Variants in HELLS observed in about 807,000 individuals in gnomAD.
HELLS encodes the protein lymphoid-specific helicase.
HELLS carries 32 observed loss-of-function variants against 120.0 expected under a neutral mutation model. The ratio of observed to expected loss-of-function variants is 0.27; its 90% CI spans 0.20 to 0.36. HELLS has a LOEUF of 0.36. Ranked by LOEUF, HELLS falls within the 10% of genes least tolerant of loss-of-function variation. The pLI is 1.00. For missense variants in HELLS, 650 were observed against 993.4 expected, an observed-to-expected ratio of 0.65 and a Z score of 4.65; for synonymous variants, 341 against 323.4, an observed-to-expected ratio of 1.05 and a Z score of -0.58.
At chr10:94,591,053 C>T (rs537357728) in intron 15 of HELLS, among the ~76,000 whole-genome samples, 2 of 152,256 alleles carry the variant, frequency 1.3e-5, no homozygotes, top group East Asian at 3.9e-4. Context: ...AGGCTGGTCT[C>T]AAACTTCCTG....
intron 7 of HELLS, among the ~76,000 whole-genome samples, chr10:94,573,393 A>G (rs1195584727): frequency 6.6e-6 from 1 of 152,178 alleles, no homozygotes; most frequent in Non-Finnish European, 1.5e-5. Flanking sequence ...ATACAATTCT[A>G]ATGATCTTTT....
At chr10:94,576,867 C>A in intron 10 of HELLS, 62 bp downstream of exon 10, 2 of 1,398,620 alleles carry the variant, frequency 1.4e-6, no homozygotes, top group Non-Finnish European at 2.0e-6. Context: ...TCATTTATAT[C>A]ACTTTCTCAC....
rs1391729816 is a variant in HELLS at position 94,593,559 on chromosome 10, G to A, written c.2032G>A (p.Gly678Ser). ...FIFLVSTRAG[G>S]LGINLTAADT... ...CTTCTTAGTGAGTACACGAGCTGGT[G>A]GCCTGGGCATTAATCTGACTGCAGC... The change falls in exon 18 of 22, where the codon GGC becomes AGC. Residue 678 changes from glycine (G) to serine (S), a missense_variant. Coordinates refer to ENST00000348459, the MANE Select transcript of HELLS (RefSeq NM_018063.5). The A allele has an allele frequency of 6.2e-7, 1 of 1,613,686 alleles. No individual in the cohort carries two copies. Among genetic ancestry groups the A allele is most frequent in the African/African-American group, 1.3e-5 (1 of 75,002 alleles).
chr10:94,607,331 A>C (rs1330699961), intron 8 of HELLS, among the ~76,000 whole-genome samples: 1 of 152,190 alleles, frequency 6.6e-6, no homozygotes, highest in Non-Finnish European at 1.5e-5. Context: ...TTCAGTTCCC[A>C]AAATCTTGCT....
chr10:94,596,343 T>A (rs903935689), intron 19 of HELLS, among the ~76,000 whole-genome samples: 4 of 152,236 alleles, frequency 2.6e-5, no homozygotes, highest in Non-Finnish European at 4.4e-5. Context: ...GTTCACCCTT[T>A]CCAGTAATTC....
chr10:94,567,423 C>T (rs149330015), intron 6 of HELLS, among the ~76,000 whole-genome samples: 4,268 of 152,020 alleles, frequency 0.028, 99 homozygotes, highest in South Asian at 0.044. Flanking sequence ...CTCAGCCTTC[C>T]GAGTAGCTAG....
In HELLS at chr10:94,601,701, G is replaced by A. The variant is rs1002380034; in HGVS notation, c.*79G>A. The A allele has an allele frequency of 1.4e-6, 1 of 699,246 alleles. No homozygotes were observed. Among genetic ancestry groups the A allele is most frequent in the African/African-American group, 1.8e-5 (1 of 55,224 alleles). 43.3% of individuals were successfully genotyped at this position (699,246 alleles called of 1,614,324 possible). A position where few individuals can be genotyped will look rare whatever the true frequency, so the allele number is the denominator to read the frequency against. On this transcript the variant is annotated 3_prime_UTR_variant, in exon 22 of 22. Transcript: ENST00000348459. ...CTGTATTGGGTTTGAAATACTGATT[G>A]TCCACTTCACCTTTTTTATTATATC...
intron 10 of HELLS, among the ~76,000 whole-genome samples, chr10:94,579,985 C>G (rs184655086): frequency 6.6e-6 from 1 of 151,374 alleles, no homozygotes; most frequent in South Asian, 2.1e-4. Flanking sequence ...ACTCTGGTAA[C>G]GGAGTGTGAG....
chr10:94,574,502 C>A, intron 8 of HELLS, 52 bp from the exon 9 acceptor site: 1 of 1,293,204 alleles, frequency 7.7e-7, no homozygotes, highest in East Asian at 2.3e-5. Context: ...ATATTGTAAT[C>A]CTGTAGTTGT....
chr10:94,561,428 T>C (rs775811499), intron 4 of HELLS, among the ~76,000 whole-genome samples: 110 of 152,230 alleles, frequency 7.2e-4, no homozygotes, highest in Non-Finnish European at 1.4e-3. Flanking sequence ...TTTTGATTTT[T>C]TTCCCCTCTG....
At chr10:94,573,149 AGT>A (rs34680800) in intron 7 of HELLS, among the ~76,000 whole-genome samples, 4 of 151,616 alleles carry the variant, frequency 2.6e-5, no homozygotes, top group African/African-American at 9.7e-5. Flanking sequence ...TAGTAGAGAC[AGT>A]GTGTCACCAT....
intron 7 of HELLS, among the ~76,000 whole-genome samples, 194 bp from the exon 8 acceptor site, chr10:94,573,766 A>ATT (rs377102712): frequency 6.9e-6 from 1 of 145,666 alleles, no homozygotes; most frequent in African/African-American, 2.5e-5. Flanking sequence ...GCAGCCTGTT[A>ATT]TTTTTTTTTT....
rs552574420 is a variant in HELLS, at chr10:94,563,681, A to C, written c.435+805A>C. The stretch of plus-strand genomic sequence containing the variant: ...AATTTTTAAATTTTTTGTAGCAATG[A>C]GATGTCATATGTTGCCTAGGCTGCT... On this transcript the variant is annotated intron_variant, in intron 6 of 21. Coordinates refer to ENST00000348459, the MANE Select transcript of HELLS (RefSeq NM_018063.5). Among the ~76,000 whole-genome samples, 21 of 151,764 alleles carry C rather than the reference A, an allele frequency of 1.4e-4. No homozygotes were observed. In the South Asian group the frequency reaches 4.4e-3, roughly 32 times the overall value.
chr10:94,601,047 AT>A (rs1266617995), intron 21 of HELLS, among the ~76,000 whole-genome samples: 1 of 152,198 alleles, frequency 6.6e-6, no homozygotes, highest in African/African-American at 2.4e-5. Context: ...ACAAATGAAA[AT>A]CAGATTTCAT....
chr10:94,565,557 C>G (rs1280618847), intron 6 of HELLS, among the ~76,000 whole-genome samples: 2 of 151,800 alleles, frequency 1.3e-5, no homozygotes, highest in Non-Finnish European at 2.9e-5. Context: ...GGCTTGGTGG[C>G]ACATGCCTGT....
downstream of HELLS, among the ~76,000 whole-genome samples, chr10:94,606,886 T>C (rs149589406): frequency 6.6e-6 from 1 of 152,334 alleles, no homozygotes; most frequent in Non-Finnish European, 1.5e-5. Flanking sequence ...AGACCATTTA[T>C]TTGAGGGTCA....
intron 4 of HELLS, among the ~76,000 whole-genome samples, chr10:94,559,629 A>G (rs560932015): frequency 1.8e-3 from 269 of 151,992 alleles, no homozygotes; most frequent in Non-Finnish European, 2.9e-3. Context: ...TATTTTTAGT[A>G]GAGACAGGGT....
chr10:94,574,110 G>A lies in HELLS; in HGVS notation c.628G>A (p.Val210Ile), dbSNP rs1365705057. The change falls in exon 8 of 22, where the codon GTA becomes ATA. Residue 210 changes from valine to isoleucine, a missense_variant. Around this residue, in one of 9 missense-constraint regions of HELLS, gnomAD observed 26 missense variants for 87.3 expected, o/e 0.30. Coordinates refer to ENST00000348459, the MANE Select transcript of HELLS (RefSeq NM_018063.5). The stretch of plus-strand genomic sequence containing the variant: ...AGTCCGGAAGTGTAATGGTCAGCCA[G>A]TACCTTTTCAACAACCAAAGCACTT... ...DPVRKCNGQP[V>I]PFQQPKHFTG... The A allele has an allele frequency of 1.9e-6, 3 of 1,614,086 alleles. No homozygotes were observed. Among genetic ancestry groups the A allele is most frequent in the Non-Finnish European group, 2.5e-6 (3 of 1,179,976 alleles).
chr10:94,547,357 A>T (rs1457800629), intron 2 of HELLS, among the ~76,000 whole-genome samples: 3 of 152,180 alleles, frequency 2.0e-5, no homozygotes, highest in Admixed American at 6.5e-5. Context: ...TAAGTGTTGA[A>T]GTCAAATTTC....
Sources: allele counts gnomAD v4.1 joint callset (sites outside exome capture counted in the v4.1 genomes callset), GRCh38; gene constraint gnomAD v4.1.1; regional missense constraint gnomAD v4.1.1; transcripts MANE v1.5; gene names NCBI Gene and HGNC (gene_info 2026-07-23, HGNC 2026-07-21).